The following PPP1R21 variants were observed in gnomAD, a reference collection of about 807,000 sequenced individuals.
PPP1R21 encodes protein phosphatase 1 regulatory subunit 21.
PPP1R21 carries 85 observed loss-of-function variants against 112.8 expected under a neutral mutation model. The observed-to-expected ratio is 0.75, with a 90% CI of 0.63 to 0.90. The LOEUF is 0.90. Among genes scored for constraint, PPP1R21 ranks in the 40% least tolerant of loss-of-function variants. PPP1R21 has a pLI of 0.00. For synonymous variants in PPP1R21, 381 were observed against 322.3 expected, an observed-to-expected ratio of 1.18 and a Z score of -1.95; for missense variants, 1,199 against 901.5, an observed-to-expected ratio of 1.33 and a Z score of -4.23.
At chr2:48,484,902 A>G (rs74406334) in intron 13 of PPP1R21, among the ~76,000 whole-genome samples, 3,421 of 152,340 alleles carry the variant, frequency 0.022, 52 homozygotes, top group Non-Finnish European at 0.034. Flanking sequence ...TGAGTACCTC[A>G]ATTACCATCA....
Position 48,445,990 on chromosome 2 carries a change from G to C in PPP1R21, c.57+4980G>C, listed in dbSNP as rs145118824. 9.4e-3 allele frequency among the ~76,000 whole-genome samples: 1,435 copies of C among 152,332 alleles called. 12 individuals carry two copies. Among genetic ancestry groups the C allele is most frequent in the Admixed American group, 0.016 (250 of 15,300 alleles). ...CATGACTTCAGTATTCTGAAGCTTT[G>C]AATCAGGGTTTTGGTGTGGCATAGG... On this transcript the variant is annotated intron_variant, in intron 1 of 21. Coordinates refer to ENST00000294952, the MANE Select transcript of PPP1R21 (RefSeq NM_001135629.3).
At chr2:48,495,828 A>G (rs566650714) in intron 16 of PPP1R21, 57 bp downstream of exon 16, 6 of 1,023,282 alleles carry the variant, frequency 5.9e-6, no homozygotes, top group African/African-American at 4.7e-5. Flanking sequence ...TAAATCCCCC[A>G]TAGAAAGTTT....
At chr2:48,454,567 G>T in intron 2 of PPP1R21, 28 bp from the exon 3 acceptor site, 1 of 1,613,554 alleles carries the variant, frequency 6.2e-7, no homozygotes, top group South Asian at 1.1e-5. Flanking sequence ...TAAACTGTGA[G>T]GACCAATCTG....
chr2:48,473,253 C>A, intron 11 of PPP1R21, among the ~76,000 whole-genome samples: 1 of 151,414 alleles, frequency 6.6e-6, no homozygotes, highest in East Asian at 2.0e-4. Context: ...TTATTATGAA[C>A]TAATAGTTTT....
intron 17 of PPP1R21, among the ~76,000 whole-genome samples, chr2:48,501,707 G>A (rs1292890580): frequency 1.3e-5 from 2 of 152,038 alleles, no homozygotes; most frequent in Non-Finnish European, 2.9e-5. Context: ...CTACTCCAGA[G>A]GCTGAAGCAG....
In PPP1R21 at chr2:48,483,195, C is replaced by CTTTTTTTTTTTTTT. The variant is rs755036470; in HGVS notation, c.1318+3190_1318+3203dup. Among the ~76,000 whole-genome samples, 21 of 80,890 alleles carry CTTTTTTTTTTTTTT rather than the reference C, an allele frequency of 2.6e-4. 1 individual carries two copies. Among genetic ancestry groups the CTTTTTTTTTTTTTT allele is most frequent in the African/African-American group, 3.1e-4 (6 of 19,390 alleles). 53.1% of individuals were successfully genotyped at this position (80,890 alleles called of 152,430 possible). On this transcript the variant is annotated intron_variant, in intron 13 of 21. Coordinates refer to ENST00000294952, the MANE Select transcript of PPP1R21 (RefSeq NM_001135629.3). Reference sequence around the variant, plus strand: ...TATAAAATAAAGATACTTTTTTTTCCTTTTTTTTTTTTTTTTTTTTTTTTG... The same window carrying CTTTTTTTTTTTTTT: ...TATAAAATAAAGATACTTTTTTTTCCTTTTTTTTTTTTTTTTTTTTTTTTTTTTTTTTTTTTTTG...
chr2:48,451,966 T>C (rs1667494635), intron 2 of PPP1R21, among the ~76,000 whole-genome samples: 1 of 152,196 alleles, frequency 6.6e-6, no homozygotes, highest in African/African-American at 2.4e-5. Flanking sequence ...TGTCTCCTCC[T>C]CAGGTGCTGT....
chr2:48,489,026 A>G (rs1043896894), intron 14 of PPP1R21, among the ~76,000 whole-genome samples: 8 of 152,222 alleles, frequency 5.3e-5, no homozygotes, highest in African/African-American at 1.9e-4. Context: ...AATACTACCT[A>G]ACGTAGAATT....
At chr2:48,506,338 T>C (rs1670375035) in intron 18 of PPP1R21, among the ~76,000 whole-genome samples, 1 of 152,132 alleles carries the variant, frequency 6.6e-6, no homozygotes, top group African/African-American at 2.4e-5. Flanking sequence ...AGGTGATCCA[T>C]CTGCCTCGGC....
chr2:48,473,498 T>G (rs1668613648), intron 11 of PPP1R21, among the ~76,000 whole-genome samples: 1 of 152,230 alleles, frequency 6.6e-6, no homozygotes, highest in Admixed American at 6.5e-5. Flanking sequence ...AAGCTAAGAT[T>G]TCTACTTTTG....
At position 48,495,742 on chromosome 2, in the gene PPP1R21, A is replaced by G. The variant is rs1462512782; in HGVS notation, c.1663A>G (p.Thr555Ala). The G allele has an allele frequency of 3.7e-6, 6 of 1,610,866 alleles. No homozygotes were observed. The highest frequency in any genetic ancestry group is 2.7e-5 in the African/African-American group (2 of 74,870). The change falls in exon 16 of 22, where the codon ACT becomes GCT. Residue 555 changes from threonine (T) to alanine (A), a missense_variant. Coordinates refer to ENST00000294952, the MANE Select transcript of PPP1R21 (RefSeq NM_001135629.3). ...AAACCGCCGCATCCTTCTCAGCTCT[A>G]CTGAAAGTCGAGAAGGCCTTGCACA... ...LANRRILLSS[T>A]ESREGLAQQV...
chr2:48,479,278 C>T (rs774389262), intron 12 of PPP1R21, among the ~76,000 whole-genome samples: 4 of 152,186 alleles, frequency 2.6e-5, no homozygotes, highest in African/African-American at 9.7e-5. Context: ...GACGAAGTCC[C>T]GTGTTCTTGG....
intron 13 of PPP1R21, among the ~76,000 whole-genome samples, chr2:48,484,550 T>C (rs1669188377): frequency 6.6e-6 from 1 of 151,546 alleles, no homozygotes; most frequent in African/African-American, 2.4e-5. Flanking sequence ...TGATTCTTGC[T>C]CTGTTGCCCA....
intron 14 of PPP1R21, among the ~76,000 whole-genome samples, chr2:48,490,177 C>T (rs1669495640): frequency 7.0e-6 from 1 of 142,344 alleles, no homozygotes. Context: ...TGAGATTGTG[C>T]CACTCCACTC....
chr2:48,486,394 T>G (rs565791860), intron 13 of PPP1R21, among the ~76,000 whole-genome samples: 5 of 152,334 alleles, frequency 3.3e-5, no homozygotes, highest in African/African-American at 1.2e-4. Flanking sequence ...CGAGGAAATC[T>G]TGGTGGCTGT....
rs1429334703 is a variant in PPP1R21 at position 48,498,545 on chromosome 2, G to T, written c.1745G>T (p.Trp582Leu). Reference sequence around the variant, plus strand: ...AAACTGGAGCAGGAAAAAGAACATTGGATGTTGGAAGCACAATTAGCCAAA... The same window carrying T: ...AAACTGGAGCAGGAAAAAGAACATTTGATGTTGGAAGCACAATTAGCCAAA... ...ISKLEQEKEH[W>L]MLEAQLAKIK... The change falls in exon 17 of 22, where the codon TGG becomes TTG. Residue 582 changes from tryptophan to leucine, a missense_variant. By Grantham distance (61) the Trp-to-Leu change is moderately conservative. Transcript: ENST00000294952. 1.5e-5 allele frequency: 24 copies of T among 1,613,958 alleles called. No homozygotes were observed. Among genetic ancestry groups the T allele is most frequent in the Non-Finnish European group, 2.0e-5 (24 of 1,179,960 alleles).
At chr2:48,464,849 G>T (rs1668128705) in intron 7 of PPP1R21, 88 bp from the exon 8 acceptor site, 1 of 897,326 alleles carries the variant, frequency 1.1e-6, no homozygotes, top group African/African-American at 1.8e-5. Context: ...AGTTGATTTT[G>T]CTTCAGAGCA....
intron 15 of PPP1R21, among the ~76,000 whole-genome samples, chr2:48,492,200 G>C (rs1467681850): frequency 6.6e-6 from 1 of 152,130 alleles, no homozygotes; most frequent in Non-Finnish European, 1.5e-5. Context: ...CCTAATTCCA[G>C]TTCCTCTCTA....
In PPP1R21 at chr2:48,515,303, A is replaced by G. The variant is rs780659672; in HGVS notation, c.*559A>G. On this transcript the variant is annotated 3_prime_UTR_variant, in exon 22 of 22. Transcript: ENST00000294952. ...AAACTTCAGATCCTGTGGGTTTAGT[A>G]TCATTATCTTCAGCTCTTTGATACC... 6.7e-6 allele frequency: 1 copy of G among 149,382 alleles called. No individual in the cohort carries two copies. Among genetic ancestry groups the G allele is most frequent in the Non-Finnish European group, 1.5e-5 (1 of 67,938 alleles). 9.3% of individuals were successfully genotyped at this position (149,382 alleles called of 1,614,324 possible). A position where few individuals can be genotyped will look rare whatever the true frequency, so the allele number is the denominator to read the frequency against.
Sources: gnomAD v4.1 joint callset for allele counts (sites outside exome capture counted in the v4.1 genomes callset) on GRCh38, gnomAD v4.1.1 for gene constraint, MANE v1.5 for transcripts, NCBI Gene and HGNC (gene_info 2026-07-23, HGNC 2026-07-21) for gene names.